Variants in ZW10 observed in about 807,000 individuals in gnomAD.
The protein encoded by ZW10 is centromere/kinetochore protein zw10 homolog.
In ZW10, 53 loss-of-function variants were observed where a neutral mutation model predicts 87.8. That is an observed-to-expected ratio of 0.60 (90% confidence interval 0.48 to 0.76). ZW10 has a LOEUF of 0.76. ZW10 is among the 30% of genes least tolerant of loss of function. The pLI, the probability that ZW10 is intolerant of heterozygous loss-of-function variation, is 0.00. For synonymous variants in ZW10, 312 were observed against 329.2 expected (o/e 0.95, Z 0.57); for missense variants, 837 against 923.0 (o/e 0.91, Z 1.21).
intron 2 of ZW10, among the ~76,000 whole-genome samples, chr11:113,765,453 G>C (rs1170565280): frequency 2.0e-5 from 3 of 152,200 alleles, no homozygotes; most frequent in Admixed American, 2.0e-4. Context: ...CCAACTCTGA[G>C]TCTTAAGAAA....
In ZW10 at chr11:113,733,766, T is replaced by G; in HGVS notation, c.2268A>C (p.Glu756Asp). Residue 756 changes from glutamate to aspartate, a missense_variant, in exon 16 of 16, where the codon GAA (glutamate) becomes GAC (aspartate). Glu to Asp is a conservative substitution (Grantham distance 45). Coordinates refer to ENST00000200135, the MANE Select transcript of ZW10 (RefSeq NM_004724.4). Reference protein sequence around the residue: ...GPLAAAFSSSEVKALIRALFQ... With the variant: ...GPLAAAFSSSDVKALIRALFQ... ...ACAAGGCACGAATTAAAGCTTTTAC[T>G]TCACTGGAAGAGAACGCAGCTGCCA... is the stretch of plus-strand genomic sequence containing the variant. The G allele has an allele frequency of 6.2e-7, 1 of 1,614,012 alleles. No individual in the cohort carries two copies.
chr11:113,747,843 G>A, intron 8 of ZW10, 130 bp from the exon 9 acceptor site: 1 of 612,140 alleles, frequency 1.6e-6, no homozygotes, highest in South Asian at 3.4e-5. Context: ...TCAATTACTA[G>A]GTATAAAAAT....
chr11:113,752,961 G>A (rs1953748954), intron 7 of ZW10, among the ~76,000 whole-genome samples: 1 of 152,124 alleles, frequency 6.6e-6, no homozygotes, highest in African/African-American at 2.4e-5. Context: ...GAATTCAAAG[G>A]AAAAGACTGG....
At position 113,741,740 on chromosome 11, in the gene ZW10, T is replaced by C. The variant is rs1953621700; in HGVS notation, c.1537A>G (p.Arg513Gly). Reference protein sequence around the residue: ...QCAVQLFYSVRNIFHLFHDVV... With the variant: ...QCAVQLFYSVGNIFHLFHDVV... Reference sequence around the variant, plus strand: ...TCATGGAACAAATGGAAGATATTCCTCACTGAGTAGAAAAGTTGAACAGCA... The same window carrying C: ...TCATGGAACAAATGGAAGATATTCCCCACTGAGTAGAAAAGTTGAACAGCA... Residue 513 changes from arginine to glycine, a missense_variant, in exon 11 of 16, where the codon AGG becomes GGG. Transcript: ENST00000200135. 1 of 1,609,252 alleles carries C rather than the reference T, an allele frequency of 6.2e-7. No homozygotes were observed. Among genetic ancestry groups the C allele is most frequent in the Non-Finnish European group, 8.5e-7 (1 of 1,177,858 alleles).
Position 113,760,194 on chromosome 11 carries a change from T to C in ZW10, c.580+15A>G, listed in dbSNP as rs760568525. The C allele has an allele frequency of 5.0e-6, 8 of 1,611,986 alleles. No individual in the cohort carries two copies. The highest frequency in any genetic ancestry group is 1.7e-4 in the Middle Eastern group (1 of 6,044). On this transcript the variant is annotated intron_variant, in intron 5 of 15. Coordinates refer to ENST00000200135, the MANE Select transcript of ZW10 (RefSeq NM_004724.4). ...GGCAGATGAAGCAAAGCAGTCCACC[T>C]GAGGTCAGCAGCACCTTTTGATGGT...
intron 10 of ZW10, 100 bp downstream of exon 10, chr11:113,743,702 T>C: frequency 1.0e-6 from 1 of 986,124 alleles, no homozygotes; most frequent in Admixed American, 2.1e-5. Context: ...TTCTAGGATA[T>C]GAAAACCCAA....
At chr11:113,739,090 C>A in intron 12 of ZW10, 123 bp downstream of exon 12, 2 of 1,044,538 alleles carry the variant, frequency 1.9e-6, no homozygotes, top group Non-Finnish European at 2.7e-6. Flanking sequence ...AATGCCCTCC[C>A]ACTTTCTGAT....
intron 2 of ZW10, among the ~76,000 whole-genome samples, chr11:113,766,911 C>T (rs1002777284): frequency 1.3e-5 from 2 of 149,296 alleles, no homozygotes; most frequent in African/African-American, 4.9e-5. Flanking sequence ...CAGCTACTTG[C>T]GAGGCTGAGG....
chr11:113,764,163 A>G (rs1306459624), intron 2 of ZW10, among the ~76,000 whole-genome samples: 1 of 152,142 alleles, frequency 6.6e-6, no homozygotes, highest in Non-Finnish European at 1.5e-5. Flanking sequence ...CAAAGATCAG[A>G]TGGTTGTAGA....
chr11:113,755,748 T>C (rs539614080), intron 7 of ZW10, among the ~76,000 whole-genome samples: 2 of 152,292 alleles, frequency 1.3e-5, no homozygotes, highest in East Asian at 3.9e-4. Flanking sequence ...GTTGTCTTAT[T>C]TTAAGAAATT....
intron 1 of ZW10, among the ~76,000 whole-genome samples, chr11:113,770,182 G>A (rs575351633): frequency 1.7e-4 from 24 of 141,336 alleles, no homozygotes; most frequent in African/African-American, 2.4e-4. Flanking sequence ...TCCACCTCCC[G>A]GGTACAAGCG....
intron 5 of ZW10, 102 bp downstream of exon 5, chr11:113,760,107 T>G (rs1953841222): frequency 7.4e-7 from 1 of 1,353,118 alleles, no homozygotes; most frequent in Non-Finnish European, 1.0e-6. Context: ...TGGAAGATTA[T>G]GAATGAACCC....
intron 2 of ZW10, among the ~76,000 whole-genome samples, chr11:113,767,224 T>C (rs1429541909): frequency 1.3e-5 from 2 of 150,322 alleles, no homozygotes; most frequent in Non-Finnish European, 3.0e-5. Context: ...CATTTCAAGG[T>C]ATCTCTTTTT....
At position 113,748,253 on chromosome 11, in the gene ZW10, T is replaced by C. The variant is rs1420435476; in HGVS notation, c.1089+4A>G. 6.2e-7 allele frequency: 1 copy of C among 1,607,872 alleles called. No individual in the cohort carries two copies. Among genetic ancestry groups the C allele is most frequent in the Admixed American group, 1.7e-5 (1 of 58,282 alleles). On this transcript the variant is annotated splice_donor_region_variant and intron_variant, in intron 8 of 15. Transcript: ENST00000200135. ...AAACCTTCTGTGCTGTCTGGGCTCT[T>C]TACCTCTTCATATTGCTGTAATTTG...
intron 2 of ZW10, among the ~76,000 whole-genome samples, chr11:113,761,771 A>G (rs1303780049): frequency 2.0e-5 from 3 of 152,140 alleles, no homozygotes; most frequent in Admixed American, 6.5e-5. Flanking sequence ...AAATTTAAGT[A>G]TGTTAAAATT....
Position 113,767,177 on chromosome 11 carries a change from T to TA in ZW10, c.240+1655dup, listed in dbSNP as rs34930485. ...AGCCTGCTTACCAAACTACGATGAT[T>TA]AAAAAAAAAAAAAAAAGGATCTTGT... is the stretch of plus-strand genomic sequence containing the variant. On this transcript the variant is annotated intron_variant, in intron 2 of 15. Coordinates refer to ENST00000200135, the MANE Select transcript of ZW10 (RefSeq NM_004724.4). Among the ~76,000 whole-genome samples, 182 of 137,616 alleles carry TA rather than the reference T, an allele frequency of 1.3e-3. 1 individual carries two copies. The highest frequency in any genetic ancestry group is 3.8e-3 in the Middle Eastern group (1 of 266). 90.3% of individuals were successfully genotyped at this position (137,616 alleles called of 152,430 possible).
At chr11:113,759,705 G>A (rs984757565) in intron 5 of ZW10, among the ~76,000 whole-genome samples, 2 of 152,132 alleles carry the variant, frequency 1.3e-5, no homozygotes, top group East Asian at 1.9e-4. Flanking sequence ...GCACTCCCTA[G>A]CTCATTATTT....
intron 14 of ZW10, 122 bp downstream of exon 14, chr11:113,737,450 A>G: frequency 8.8e-7 from 1 of 1,134,914 alleles, no homozygotes; most frequent in Admixed American, 2.5e-5. Context: ...CTGAAAAAAA[A>G]AAAAACAGCA....
At chr11:113,754,508 G>A (rs1953763269) in intron 7 of ZW10, among the ~76,000 whole-genome samples, 1 of 151,866 alleles carries the variant, frequency 6.6e-6, no homozygotes, top group Non-Finnish European at 1.5e-5. Context: ...GGACCCTTAA[G>A]GATTATGCTA....
Sources: allele counts gnomAD v4.1 joint callset (sites outside exome capture counted in the v4.1 genomes callset), GRCh38; gene constraint gnomAD v4.1.1; transcripts MANE v1.5; gene names NCBI Gene and HGNC (gene_info 2026-07-23, HGNC 2026-07-21).